AGBL1: variants seen among roughly 807,000 people sequenced by gnomAD.
The protein encoded by AGBL1 is AGBL carboxypeptidase 1.
In AGBL1, 130 loss-of-function variants were observed where a neutral mutation model predicts 118.9. That is an observed-to-expected ratio of 1.09 (90% CI 0.95 to 1.26). AGBL1 has a LOEUF of 1.26. Ranked by LOEUF, AGBL1 falls within the 50% of genes most tolerant of loss-of-function variation. The probability of loss-of-function intolerance (pLI) is 0.00; values close to 1 mark genes in which losing one functional copy is unlikely to be tolerated. For missense variants in AGBL1, 1,584 were observed against 1,298.1 expected, an observed-to-expected ratio of 1.22 and a Z score of -3.38; for synonymous variants, 555 against 478.9, an observed-to-expected ratio of 1.16 and a Z score of -2.08.
chr15:86,545,017 C>A (rs2083560613), intron 19 of AGBL1, among the ~76,000 whole-genome samples: 1 of 152,188 alleles, frequency 6.6e-6, no homozygotes, highest in Non-Finnish European at 1.5e-5. Flanking sequence ...CTTACCTACA[C>A]CACTGATAAA....
In AGBL1 at chr15:86,462,636, C is replaced by T. The variant is rs545409239; in HGVS notation, c.2556-60174C>T. Among the ~76,000 whole-genome samples, 125 of 152,216 alleles carry T rather than the reference C, an allele frequency of 8.2e-4. 3 individuals are homozygous for T. The Middle Eastern group carries it at 0.014, about 17-fold the overall frequency. ...AGTGCGATGTTCCCCTCCCTGTGCC[C>T]ATATGTTCTCACTGTTCAACTCCTA... On this transcript the variant is annotated intron_variant, in intron 18 of 22. Coordinates refer to ENST00000614907, the MANE Select transcript of AGBL1 (RefSeq NM_001386094.1).
intron 21 of AGBL1, among the ~76,000 whole-genome samples, chr15:86,641,072 C>T (rs2085182139): frequency 6.6e-6 from 1 of 151,648 alleles, no homozygotes; most frequent in African/African-American, 2.4e-5. Context: ...TAATGTTTTC[C>T]TTCTTAATTG....
chr15:86,629,769 T>G (rs2142432439), intron 21 of AGBL1, among the ~76,000 whole-genome samples: 1 of 152,298 alleles, frequency 6.6e-6, no homozygotes, highest in East Asian at 1.9e-4. Flanking sequence ...GAATTTCCCG[T>G]TCATATTTAT....
At chr15:86,936,753 C>A (rs1567248494) in intron 23 of AGBL1, among the ~76,000 whole-genome samples, 1 of 152,140 alleles carries the variant, frequency 6.6e-6, no homozygotes, top group African/African-American at 2.4e-5. Flanking sequence ...ACAAAGATTT[C>A]ATAACAAAGA....
intron 23 of AGBL1, among the ~76,000 whole-genome samples, chr15:86,957,529 T>C (rs2080942822): frequency 6.6e-6 from 1 of 151,880 alleles, no homozygotes; most frequent in Admixed American, 6.6e-5. Flanking sequence ...TATCAATATA[T>C]AAAAATTAAT....
chr15:86,967,548 A>C (rs1439882728), intron 23 of AGBL1, among the ~76,000 whole-genome samples: 1 of 152,172 alleles, frequency 6.6e-6, no homozygotes, highest in African/African-American at 2.4e-5. Flanking sequence ...ACATATGGCT[A>C]GCCAGTTTTC....
chr15:86,941,556 T>G (rs1345392607), intron 23 of AGBL1, among the ~76,000 whole-genome samples: 1 of 152,200 alleles, frequency 6.6e-6, no homozygotes, highest in Non-Finnish European at 1.5e-5. Context: ...GAGGCCATTT[T>G]GTGGCTCATG....
chr15:86,256,253 A>G (rs1338626891), intron 7 of AGBL1, among the ~76,000 whole-genome samples: 3 of 152,126 alleles, frequency 2.0e-5, no homozygotes, highest in East Asian at 1.9e-4. Context: ...TGCAAACCCA[A>G]TTTTTCTCTG....
chr15:86,599,287 A>AT (rs2084457998), intron 21 of AGBL1, among the ~76,000 whole-genome samples: 3 of 151,746 alleles, frequency 2.0e-5, no homozygotes, highest in Admixed American at 2.0e-4. Flanking sequence ...AATTTGTTGT[A>AT]TTTTCTCTTT....
intron 22 of AGBL1, among the ~76,000 whole-genome samples, chr15:86,893,582 A>T (rs1291654496): frequency 6.6e-6 from 1 of 152,176 alleles, no homozygotes; most frequent in Non-Finnish European, 1.5e-5. Context: ...TAAAGTTGCA[A>T]ATTGCTGTAT....
chr15:86,526,544 G>GTGTGTGTATATATATATATA (rs754816154), intron 19 of AGBL1, among the ~76,000 whole-genome samples: 1 of 119,452 alleles, frequency 8.4e-6, no homozygotes, highest in African/African-American at 3.3e-5. Flanking sequence ...TTGTGTCTGT[G>GTGTGTGTATATATATATATA]TATATATATA....
At chr15:86,971,652 G>C (rs1433448) in intron 23 of AGBL1, among the ~76,000 whole-genome samples, 63 of 151,798 alleles carry the variant, frequency 4.2e-4, no homozygotes, top group African/African-American at 1.4e-3. Flanking sequence ...TCTTATTTGC[G>C]TAACTTAAAT....
chr15:86,617,595 C>G (rs191558883), intron 21 of AGBL1, among the ~76,000 whole-genome samples: 92 of 152,114 alleles, frequency 6.0e-4, no homozygotes, highest in African/African-American at 2.1e-3. Context: ...ATGGTATTGT[C>G]AAAACTGTGA....
At position 86,546,029 on chromosome 15, in the gene AGBL1, CA is replaced by C; in HGVS notation, c.2717del (p.Lys906ArgfsTer28). 6.2e-7 allele frequency: 1 copy of C among 1,613,192 alleles called. No homozygotes were observed. ...VVFCDFHGHS[Q>X]KKNVFLYGCS... ...TTTCTGTGACTTCCATGGCCACTCC[CA>C]AAAGAAGAATGTGTTCCTTTATGGC... On this transcript the variant is annotated frameshift_variant, in exon 20 of 23. Transcript: ENST00000614907. LOFTEE classifies it high-confidence loss of function.
intron 5 of AGBL1, among the ~76,000 whole-genome samples, chr15:86,169,095 G>C (rs995978019): frequency 2.0e-5 from 3 of 152,174 alleles, no homozygotes; most frequent in African/African-American, 7.2e-5. Context: ...CTAGATTGCA[G>C]TGCAGGGACA....
intron 5 of AGBL1, among the ~76,000 whole-genome samples, chr15:86,220,704 A>G (rs905553187): frequency 2.0e-5 from 3 of 152,166 alleles, no homozygotes; most frequent in Non-Finnish European, 2.9e-5. Flanking sequence ...TTTGGCTGTT[A>G]TAACTCTCTT....
At chr15:86,173,180 C>G (rs1245653587) in intron 5 of AGBL1, 1 of 152,042 alleles carries the variant, frequency 6.6e-6, no homozygotes, top group Non-Finnish European at 1.5e-5. Flanking sequence ...AGATCCTTTG[C>G]CCACTTTATT....
At chr15:86,113,153 G>T (rs2141548249) in intron 1 of AGBL1, among the ~76,000 whole-genome samples, 1 of 151,478 alleles carries the variant, frequency 6.6e-6, no homozygotes, top group African/African-American at 2.4e-5. Flanking sequence ...CCTCAGAGTT[G>T]GCTCTCAGCC....
chr15:86,829,996 C>CT (rs1478121853), intron 22 of AGBL1, among the ~76,000 whole-genome samples: 1 of 152,052 alleles, frequency 6.6e-6, no homozygotes, highest in East Asian at 1.9e-4. Flanking sequence ...AGTTCTCATT[C>CT]TACTTGAGAA....
Sources: allele counts gnomAD v4.1 joint callset (sites outside exome capture counted in the v4.1 genomes callset), GRCh38; gene constraint gnomAD v4.1.1; transcripts MANE v1.5; gene names NCBI Gene and HGNC (gene_info 2026-07-23, HGNC 2026-07-21).